The following FBXW4 variants were observed in gnomAD, a reference collection of about 807,000 sequenced individuals.
FBXW4 encodes F-box and WD repeat domain containing 4, also known as F-box/WD repeat-containing protein 4.
In FBXW4, 40 loss-of-function variants were observed where a neutral mutation model predicts 61.8. That is an observed-to-expected ratio of 0.65 (90% CI 0.50 to 0.84). FBXW4 has a LOEUF of 0.84. Among genes scored for constraint, FBXW4 ranks in the 40% least tolerant of loss-of-function variants. The pLI is 0.00. For missense variants in FBXW4, 672 were observed against 753.8 expected (o/e 0.89, Z 1.27); for synonymous variants, 311 against 313.8 (o/e 0.99, Z 0.10).
At chr10:101,645,539 C>T (rs1278318697) in intron 5 of FBXW4, among the ~76,000 whole-genome samples, 2 of 152,208 alleles carry the variant, frequency 1.3e-5, no homozygotes, top group Non-Finnish European at 2.9e-5. Context: ...GACTCATCAC[C>T]CCTTTCACAA....
Position 101,672,920 on chromosome 10 carries a change from C to G in FBXW4, c.1135G>C (p.Ala379Pro), listed in dbSNP as rs767417362. 7 of 1,613,952 alleles carry G rather than the reference C, an allele frequency of 4.3e-6. No individual in the cohort carries two copies. In the African/African-American group the frequency reaches 9.3e-5, roughly 22 times the overall value. The change falls in exon 4 of 9, where the codon GCC becomes CCC. Residue 379 changes from alanine (A) to proline (P), a missense_variant. Ala to Pro is a conservative substitution (Grantham distance 27). Transcript: ENST00000331272. ...TAAGGGGGAGACCACCTCACCTTGG[C>G]CGTCCTGTCCCTGGAGCCACTCACA... ...IIVSGSRDRTAKVWPLASGRL... is the reference protein window; with the variant it reads ...IIVSGSRDRTPKVWPLASGRL...
intron 5 of FBXW4, chr10:101,625,464 T>C (rs950010545): frequency 1.3e-5 from 2 of 151,706 alleles, no homozygotes; most frequent in Admixed American, 1.3e-4. Context: ...TCCGCCAGAG[T>C]CCTCTGAGGC....
intron 5 of FBXW4, among the ~76,000 whole-genome samples, chr10:101,656,319 C>G (rs907472605): frequency 6.6e-6 from 1 of 152,210 alleles, no homozygotes; most frequent in Non-Finnish European, 1.5e-5. Context: ...CCAGAGGCAA[C>G]ACAGACATAA....
At chr10:101,681,398 AAATAAT>A (rs757513556) in intron 1 of FBXW4, among the ~76,000 whole-genome samples, 14 of 136,086 alleles carry the variant, frequency 1.0e-4, no homozygotes, top group South Asian at 2.4e-4. Context: ...CAAAAAAAAA[AAATAAT>A]AATAATAATA....
intron 1 of FBXW4, among the ~76,000 whole-genome samples, chr10:101,687,546 A>G (rs1335382349): frequency 6.6e-6 from 1 of 152,206 alleles, no homozygotes; most frequent in East Asian, 1.9e-4. Flanking sequence ...ACATGTAACT[A>G]TTAAAACAAT....
chr10:101,646,766 T>C (rs1202547704), intron 5 of FBXW4, among the ~76,000 whole-genome samples: 1 of 152,124 alleles, frequency 6.6e-6, no homozygotes, highest in African/African-American at 2.4e-5. Flanking sequence ...GATGAAAGGT[T>C]TGGGGGTTTT....
Position 101,624,767 on chromosome 10 carries a change from G to A in FBXW4, c.1279C>T (p.Leu427=), listed in dbSNP as rs1378344699. 10 of 1,614,102 alleles carry A rather than the reference G, an allele frequency of 6.2e-6. No individual in the cohort carries two copies. The highest frequency in any genetic ancestry group is 8.5e-6 in the Non-Finnish European group (10 of 1,180,046). Residue 427 remains leucine, a synonymous_variant, in exon 6 of 9, where the codon CTG becomes TTG. Transcript: ENST00000331272. ...TACCTGTTGAGGTCCCAGATTCTCA[G>A]GGGTGAGAAGTGCCCGCAACAAGCC... ...GTACCGHFSP[L]RIWDLNSGQL...
In FBXW4 at chr10:101,673,543, C is replaced by G. The variant is rs199514450; in HGVS notation, c.952G>C (p.Asp318His). 86 of 1,614,000 alleles carry G rather than the reference C, an allele frequency of 5.3e-5. No individual in the cohort carries two copies. The highest frequency in any genetic ancestry group is 1.7e-4 in the Middle Eastern group (1 of 6,056). Residue 318 changes from aspartate to histidine, a missense_variant, in exon 3 of 9, where the codon GAT becomes CAT. Transcript: ENST00000331272. ...AGCACAAAGTGGCAAACGTCCTCAT[C>G]ATGCCCAGCAAAGACTCCCAGAGGC... is the stretch of plus-strand genomic sequence containing the variant. The part of the protein sequence containing the change: ...RRPLGVFAGH[D>H]EDVCHFVLAN...
At chr10:101,646,418 T>A (rs1246681790) in intron 5 of FBXW4, among the ~76,000 whole-genome samples, 1 of 152,152 alleles carries the variant, frequency 6.6e-6, no homozygotes, top group African/African-American at 2.4e-5. Flanking sequence ...AATGCAGGGG[T>A]CCCTGTGCCA....
At chr10:101,683,675 C>T (rs796815270) in intron 1 of FBXW4, among the ~76,000 whole-genome samples, 3 of 152,216 alleles carry the variant, frequency 2.0e-5, no homozygotes, top group East Asian at 3.9e-4. Context: ...GTAGGTATAT[C>T]GAAGAGGTCT....
At chr10:101,673,142 A>T in intron 3 of FBXW4, 95 bp from the exon 4 acceptor site, 1 of 1,475,270 alleles carries the variant, frequency 6.8e-7, no homozygotes, top group South Asian at 1.3e-5. Context: ...CTCCAGTGAC[A>T]TCCAAATTTG....
chr10:101,646,517 C>T (rs889394370), intron 5 of FBXW4, among the ~76,000 whole-genome samples: 2 of 152,226 alleles, frequency 1.3e-5, no homozygotes, highest in African/African-American at 4.8e-5. Context: ...CCCACAGGAG[C>T]AACAAAGCCG....
At chr10:101,688,448 T>C (rs938408408) in intron 1 of FBXW4, among the ~76,000 whole-genome samples, 1 of 152,164 alleles carries the variant, frequency 6.6e-6, no homozygotes, top group Admixed American at 6.5e-5. Flanking sequence ...GGGAGGGCAA[T>C]GTGGACAGTT....
chr10:101,666,569 G>A (rs1286629047), intron 5 of FBXW4, among the ~76,000 whole-genome samples: 2 of 152,158 alleles, frequency 1.3e-5, no homozygotes, highest in South Asian at 4.1e-4. Flanking sequence ...CCTAATGTTG[G>A]AGGGTGGCAG....
intron 1 of FBXW4, among the ~76,000 whole-genome samples, chr10:101,685,810 T>G (rs2064527953): frequency 6.6e-6 from 1 of 152,182 alleles, no homozygotes; most frequent in Admixed American, 6.5e-5. Context: ...GCATAATAGG[T>G]ATTTTGATAG....
chr10:101,645,787 T>G (rs566125194), intron 5 of FBXW4, among the ~76,000 whole-genome samples: 1 of 152,158 alleles, frequency 6.6e-6, no homozygotes, highest in Non-Finnish European at 1.5e-5. Context: ...CAAGTTCTAA[T>G]TCCAAATGAG....
intron 5 of FBXW4, among the ~76,000 whole-genome samples, chr10:101,651,962 T>C (rs2064149357): frequency 6.6e-6 from 1 of 152,080 alleles, no homozygotes; most frequent in Admixed American, 6.6e-5. Context: ...GTAAATTCTT[T>C]TGACCTGCAC....
Position 101,673,478 on chromosome 10 carries a change from T to A in FBXW4, c.1007+10A>T, listed in dbSNP as rs375794766. 17 of 1,613,724 alleles carry A rather than the reference T, an allele frequency of 1.1e-5. No individual in the cohort carries two copies. The highest frequency in any genetic ancestry group is 1.4e-5 in the Non-Finnish European group (16 of 1,179,780). ...GGAAAAGGGTGGAAGGAGAAACCTATAGCACTTACCCTCCTGCACTAACAA... is the reference window on the plus strand; with the variant it reads ...GGAAAAGGGTGGAAGGAGAAACCTAAAGCACTTACCCTCCTGCACTAACAA... On this transcript the variant is annotated intron_variant, in intron 3 of 8. Transcript: ENST00000331272.
intron 2 of FBXW4, among the ~76,000 whole-genome samples, chr10:101,675,851 T>C (rs1480924186): frequency 2.6e-5 from 4 of 152,188 alleles, no homozygotes; most frequent in Non-Finnish European, 4.4e-5. Flanking sequence ...CTGTAACATA[T>C]ATATCCAAAC....
Sources: allele counts gnomAD v4.1 joint callset (sites outside exome capture counted in the v4.1 genomes callset), GRCh38; gene constraint gnomAD v4.1.1; transcripts MANE v1.5; gene names NCBI Gene and HGNC (gene_info 2026-07-23, HGNC 2026-07-21).